Variants in EPB41L1 observed in about 807,000 individuals in gnomAD.
EPB41L1 encodes the protein band 4.1-like protein 1.
EPB41L1 carries 29 observed loss-of-function variants against 97.8 expected under a neutral mutation model. The observed-to-expected ratio is 0.30, with a 90% CI of 0.22 to 0.40. The LOEUF is 0.40. Ranked by LOEUF, EPB41L1 falls within the 10% of genes least tolerant of loss-of-function variation. EPB41L1 has a pLI of 1.00. For missense variants in EPB41L1, 812 were observed against 1,162.3 expected, an observed-to-expected ratio of 0.70 and a Z score of 4.38; for synonymous variants, 383 against 459.2, an observed-to-expected ratio of 0.83 and a Z score of 2.12.
At chr20:36,114,336 G>A (rs2058517434) in intron 2 of EPB41L1, among the ~76,000 whole-genome samples, 1 of 152,108 alleles carries the variant, frequency 6.6e-6, no homozygotes, top group South Asian at 2.1e-4. Flanking sequence ...TGCTTTTGGA[G>A]ATACCTCTGC....
intron 1 of EPB41L1, among the ~76,000 whole-genome samples, chr20:36,173,187 C>T (rs1051514344): frequency 1.7e-4 from 26 of 152,178 alleles, no homozygotes; most frequent in Admixed American, 7.2e-4. Context: ...GTCAAGCCTG[C>T]GCGTTTTTTT....
chr20:36,183,426 G>T (rs1163498294), intron 6 of EPB41L1, among the ~76,000 whole-genome samples: 1 of 152,208 alleles, frequency 6.6e-6, no homozygotes, highest in Non-Finnish European at 1.5e-5. Context: ...CTAGTTCTGA[G>T]CCCTGAGGTC....
intron 11 of EPB41L1, among the ~76,000 whole-genome samples, chr20:36,192,052 C>T (rs909993466): frequency 6.6e-6 from 1 of 151,908 alleles, no homozygotes; most frequent in African/African-American, 2.4e-5. Context: ...ATGATGAAAC[C>T]CCATCTCTAC....
At chr20:36,112,439 A>G (rs1384048883) in exon 2 of EPB41L1, 1 of 152,336 alleles carries the variant, frequency 6.6e-6, no homozygotes, top group Non-Finnish European at 1.5e-5. Context: ...CCTGACTGAC[A>G]GAAGTTCTTG....
intron 14 of EPB41L1, among the ~76,000 whole-genome samples, chr20:36,200,271 CT>C (rs1364008943): frequency 6.6e-6 from 1 of 152,168 alleles, no homozygotes; most frequent in Non-Finnish European, 1.5e-5. Context: ...TATAAAAGCA[CT>C]TTCTCAACTG....
intron 11 of EPB41L1, among the ~76,000 whole-genome samples, chr20:36,192,423 C>CG (rs1232609798): frequency 6.8e-6 from 1 of 148,046 alleles, no homozygotes; most frequent in East Asian, 2.1e-4. Flanking sequence ...CCCAGCTACT[C>CG]GGGAGCTCAG....
Position 36,206,857 on chromosome 20 carries a change from A to G in EPB41L1, c.1669-2631A>G. On this transcript the variant is annotated intron_variant, in intron 14 of 21. Coordinates refer to ENST00000338074, the MANE Select transcript of EPB41L1 (RefSeq NM_012156.2). This position sits in a 1 kb window ranked among gnomAD's most constrained non-coding sequence, Gnocchi z 5.5. ...GCTGGGAAAGGCTGAGGAAAGTCCC[A>G]CAGAGGAACTGAAGAAGCACCCTCC... 7.8e-7 allele frequency: 1 copy of G among 1,289,906 alleles called. No individual in the cohort carries two copies. Among genetic ancestry groups the G allele is most frequent in the Non-Finnish European group, 1.0e-6 (1 of 988,896 alleles). 79.9% of individuals were successfully genotyped at this position (1,289,906 alleles called of 1,614,324 possible).
intron 14 of EPB41L1, among the ~76,000 whole-genome samples, chr20:36,204,346 C>T (rs1482703684): frequency 2.6e-5 from 4 of 152,060 alleles, no homozygotes; most frequent in Non-Finnish European, 5.9e-5. Flanking sequence ...AGATGAAAAA[C>T]CCAGTGACCT....
At position 36,096,465 on chromosome 20, in the gene EPB41L1, C is replaced by T. The variant is rs542271304; in HGVS notation, c.-65+4853C>T. Reference sequence around the variant, plus strand: ...TCCAGTTCCTGCCCACTTCTCTGGACAACAGCCACTTTGGCCTTTTAGTTC... The same window carrying T: ...TCCAGTTCCTGCCCACTTCTCTGGATAACAGCCACTTTGGCCTTTTAGTTC... On this transcript the variant is annotated intron_variant, in intron 1 of 19. Coordinates refer to the EPB41L1 transcript ENST00000202028. 1.4e-4 allele frequency among the ~76,000 whole-genome samples: 21 copies of T among 152,344 alleles called. 1 individual carries two copies. The highest frequency in any genetic ancestry group is 3.9e-4 in the Admixed American group (6 of 15,300).
chr20:36,212,139 C>T lies in EPB41L1; in HGVS notation c.2080-133C>T. 2 of 846,048 alleles carry T rather than the reference C, an allele frequency of 2.4e-6. No homozygotes were observed. The highest frequency in any genetic ancestry group is 3.9e-6 in the Non-Finnish European group (2 of 507,468). 52.4% of individuals were successfully genotyped at this position (846,048 alleles called of 1,614,324 possible). ...CACACCACAACTCTTTTACCCTGTCCAGAGTACCCTTCCAGAGATGTGGCC... is the reference window on the plus strand; with the variant it reads ...CACACCACAACTCTTTTACCCTGTCTAGAGTACCCTTCCAGAGATGTGGCC... On this transcript the variant is annotated intron_variant, in intron 15 of 21. Transcript: ENST00000338074. This position sits in a 1 kb window ranked among gnomAD's most constrained non-coding sequence, Gnocchi z 4.8.
At chr20:36,140,832 G>A (rs187406433) in intron 2 of EPB41L1, among the ~76,000 whole-genome samples, 210 of 152,164 alleles carry the variant, frequency 1.4e-3, no homozygotes, top group Admixed American at 2.6e-3. Context: ...GAGAGAGCCC[G>A]ACTAGCCACC....
rs200579087 is a variant in EPB41L1 at position 36,205,861 on chromosome 20, TG to T, written c.1669-3624del. ...AATTGAAACACAGGGTTCAGAGCAT[TG>T]GGTATTTATAGAAAGAGAGTACACT... On this transcript the variant is annotated intron_variant, in intron 14 of 21. Transcript: ENST00000338074. 3.1e-6 allele frequency: 4 copies of T among 1,288,806 alleles called. No individual in the cohort carries two copies. The East Asian group carries it at 2.2e-4, about 72-fold the overall frequency. 79.8% of individuals were successfully genotyped at this position (1,288,806 alleles called of 1,614,324 possible).
intron 4 of EPB41L1, 111 bp downstream of exon 4, chr20:36,178,167 G>C (rs546825352): frequency 1.2e-6 from 1 of 848,796 alleles, no homozygotes; most frequent in South Asian, 1.4e-5. Flanking sequence ...TCTTCTGTTT[G>C]CGTGTCCCCA....
chr20:36,163,710 G>A (rs1245392027), intron 1 of EPB41L1, among the ~76,000 whole-genome samples: 1 of 152,132 alleles, frequency 6.6e-6, no homozygotes, highest in Non-Finnish European at 1.5e-5. Flanking sequence ...AGGAGGGAGT[G>A]GTGTTACCTG....
At chr20:36,204,674 G>A (rs1040757985) in intron 14 of EPB41L1, among the ~76,000 whole-genome samples, 4 of 142,446 alleles carry the variant, frequency 2.8e-5, no homozygotes, top group Non-Finnish European at 3.0e-5. Context: ...ACGGAGTCTC[G>A]CTCTGTCACC....
chr20:36,125,876 C>T (rs1292387831), intron 2 of EPB41L1, among the ~76,000 whole-genome samples: 2 of 151,882 alleles, frequency 1.3e-5, no homozygotes, highest in Non-Finnish European at 2.9e-5. Flanking sequence ...GGCTTCATCT[C>T]AGGCTCATGG....
chr20:36,218,794 T>C (rs2063593198), intron 17 of EPB41L1, 82 bp from the exon 18 acceptor site: 1 of 1,264,212 alleles, frequency 7.9e-7, no homozygotes, highest in South Asian at 1.2e-5. Context: ...GTGGTCGTGA[T>C]AGCTACATGG....
Position 36,219,774 on chromosome 20 carries a change from A to C in EPB41L1, c.2369A>C (p.Asp790Ala), listed in dbSNP as rs2063667315. 1 of 1,614,046 alleles carries C rather than the reference A, an allele frequency of 6.2e-7. No homozygotes were observed. The highest frequency in any genetic ancestry group is 1.3e-5 in the African/African-American group (1 of 74,924). ...TATATTCTGCAGATCATCGGGAAAG[A>C]TGTCCTCACCAGCACCTACGGCGCC... ...IRSLSPIIGK[D>A]VLTSTYGATA... Residue 790 changes from aspartate (D) to alanine (A), a missense_variant, in exon 19 of 22, where the codon GAT becomes GCT. This residue lies in a region of EPB41L1 where 498 missense variants were observed against 622.7 expected (regional missense o/e 0.80). Coordinates refer to ENST00000338074, the MANE Select transcript of EPB41L1 (RefSeq NM_012156.2).
chr20:36,154,972 G>A lies in EPB41L1; in HGVS notation c.-15+76G>A, dbSNP rs2060227063. On this transcript the variant is annotated intron_variant, in intron 1 of 21. Transcript: ENST00000338074. This position sits in a 1 kb window ranked among gnomAD's most constrained non-coding sequence, Gnocchi z 5.5. ...TCTAGGCCCAGCCTCCAGCCCTGGG[G>A]AGGAACGGGGGCGAGGCCGAGAACT... 8.7e-7 allele frequency: 1 copy of A among 1,150,020 alleles called. No homozygotes were observed. 71.2% of individuals were successfully genotyped at this position (1,150,020 alleles called of 1,614,324 possible).
Sources: gnomAD v4.1 joint callset for allele counts (sites outside exome capture counted in the v4.1 genomes callset) on GRCh38, gnomAD v4.1.1 for gene constraint, gnomAD v4.1.1 regional missense constraint, Gnocchi (gnomAD v3.1) non-coding constraint, MANE v1.5 for transcripts, NCBI Gene and HGNC (gene_info 2026-07-23, HGNC 2026-07-21) for gene names.